The following CDH18 variants were observed in gnomAD, a reference collection of about 807,000 sequenced individuals.
CDH18 encodes the protein cadherin-18.
CDH18 carries 31 observed loss-of-function variants against 67.9 expected under a neutral mutation model. That is an observed-to-expected ratio of 0.46 (90% CI 0.34 to 0.62). CDH18 has a LOEUF of 0.62. Ranked by LOEUF, CDH18 falls within the 20% of genes least tolerant of loss-of-function variation. The pLI is 0.01. For synonymous variants in CDH18, 362 were observed against 347.2 expected (o/e 1.04, Z -0.48); for missense variants, 890 against 975.5 (o/e 0.91, Z 1.17).
chr5:19,909,873 T>C (rs983983644), intron 2 of CDH18, among the ~76,000 whole-genome samples: 10 of 152,194 alleles, frequency 6.6e-5, no homozygotes, highest in African/African-American at 2.4e-4. Context: ...TGCTTTCCTT[T>C]ATTCTTTTTT....
intron 4 of CDH18, among the ~76,000 whole-genome samples, chr5:19,723,084 T>G (rs1348636484): frequency 2.6e-5 from 4 of 151,844 alleles, no homozygotes; most frequent in Non-Finnish European, 4.4e-5. Context: ...ACAAAATTTT[T>G]TTTTGGTAAC....
intron 9 of CDH18, among the ~76,000 whole-genome samples, chr5:19,522,330 C>G (rs1460519044): frequency 6.6e-6 from 1 of 151,896 alleles, no homozygotes; most frequent in Non-Finnish European, 1.5e-5. Flanking sequence ...ATTAAAGGAA[C>G]CTATGAATAA....
chr5:20,370,553 C>T (rs1742896149), intron 1 of CDH18, among the ~76,000 whole-genome samples: 1 of 152,106 alleles, frequency 6.6e-6, no homozygotes, highest in Admixed American at 6.6e-5. Flanking sequence ...TACTAAAGAT[C>T]TACTAGGTGC....
At chr5:20,384,249 TC>T (rs938349144) in intron 1 of CDH18, among the ~76,000 whole-genome samples, 2 of 151,970 alleles carry the variant, frequency 1.3e-5, no homozygotes, top group Admixed American at 1.3e-4. Context: ...ACAACTCATT[TC>T]CCCCCTTCTC....
intron 1 of CDH18, among the ~76,000 whole-genome samples, chr5:20,405,652 C>A (rs1048694608): frequency 1.3e-5 from 2 of 151,972 alleles, no homozygotes; most frequent in African/African-American, 4.8e-5. Context: ...GAACAGGCAA[C>A]CTACAGAATG....
rs919848430 is a variant in CDH18 at position 20,215,443 on chromosome 5, A to T, written c.-518+40001T>A. On this transcript the variant is annotated intron_variant, in intron 2 of 14. Transcript: ENST00000507958. ...AGCTCTTCCATCCAAAAAATAAATA[A>T]ATAAATAAATAAATAAATAAATAAA... is the stretch of plus-strand genomic sequence containing the variant. Among the ~76,000 whole-genome samples the T allele has an allele frequency of 1.4e-4, 13 of 92,764 alleles. No homozygotes were observed. The East Asian group carries it at 4.1e-3, about 29-fold the overall frequency. The allele number at this position is 92,764 out of a possible 152,430, so 60.9% of individuals were successfully genotyped here.
At chr5:20,566,051 C>G (rs981842226) in intron 1 of CDH18, among the ~76,000 whole-genome samples, 4 of 152,006 alleles carry the variant, frequency 2.6e-5, no homozygotes, top group Admixed American at 2.0e-4. Flanking sequence ...CAGCTAATTC[C>G]TCCTGGGCCA....
rs565301186 is a variant in CDH18, at chr5:20,452,953, A to G, written c.-580+122509T>C. 2.0e-5 allele frequency among the ~76,000 whole-genome samples: 3 copies of G among 152,304 alleles called. No individual in the cohort carries two copies. In the South Asian group the frequency reaches 6.2e-4, roughly 32 times the overall value. ...ACCACACCAACGATAGAGAATTACC[A>G]TGTAACAAATGAGAGAAATAGAAAG... On this transcript the variant is annotated intron_variant, in intron 1 of 14. Coordinates refer to the CDH18 transcript ENST00000507958.
At chr5:19,981,857 T>G (rs781238560) in intron 1 of CDH18, among the ~76,000 whole-genome samples, 49 of 152,292 alleles carry the variant, frequency 3.2e-4, no homozygotes, top group Non-Finnish European at 6.3e-4. Flanking sequence ...CCTAGCCAAA[T>G]AGATAAAATA....
chr5:20,364,916 G>T (rs1742388066), intron 1 of CDH18, among the ~76,000 whole-genome samples: 1 of 152,124 alleles, frequency 6.6e-6, no homozygotes, highest in African/African-American at 2.4e-5. Context: ...TGACTCAAGA[G>T]TACATGGGAA....
chr5:19,861,680 A>G (rs1784929848), intron 2 of CDH18, among the ~76,000 whole-genome samples: 2 of 152,172 alleles, frequency 1.3e-5, no homozygotes, highest in South Asian at 4.1e-4. Flanking sequence ...AAGAGAGCTT[A>G]TTAGTAAATC....
intron 2 of CDH18, among the ~76,000 whole-genome samples, chr5:19,904,143 G>A (rs1054243248): frequency 1.3e-5 from 2 of 151,334 alleles, no homozygotes; most frequent in African/African-American, 2.4e-5. Flanking sequence ...GCTTGGTGGC[G>A]GGCGCCTGTA....
At chr5:20,504,415 T>C (rs931727429) in intron 1 of CDH18, among the ~76,000 whole-genome samples, 1 of 152,196 alleles carries the variant, frequency 6.6e-6, no homozygotes, top group East Asian at 1.9e-4. Flanking sequence ...CTGAACAACA[T>C]AGTTAAAACA....
chr5:19,706,771 A>C (rs999003038), intron 5 of CDH18, among the ~76,000 whole-genome samples: 1 of 152,226 alleles, frequency 6.6e-6, no homozygotes, highest in Admixed American at 6.5e-5. Context: ...GGTATCCCAT[A>C]TAATTCTCAA....
Position 20,122,074 on chromosome 5 carries a change from A to G in CDH18, c.-517-130060T>C, listed in dbSNP as rs111232148. 2.2e-3 allele frequency among the ~76,000 whole-genome samples: 339 copies of G among 152,304 alleles called. 1 individual carries two copies. Among genetic ancestry groups the G allele is most frequent in the African/African-American group, 7.6e-3 (317 of 41,564 alleles). On this transcript the variant is annotated intron_variant, in intron 2 of 14. Coordinates refer to the CDH18 transcript ENST00000507958. ...TATGTAGAGAAATAAATTGTGTTAG[A>G]AATAAAAAGCAAAAGTGAAAAGGGT...
intron 5 of CDH18, among the ~76,000 whole-genome samples, chr5:19,681,693 TGAGA>T (rs1193091226): frequency 3.3e-5 from 5 of 151,908 alleles, no homozygotes; most frequent in Non-Finnish European, 4.4e-5. Flanking sequence ...GGCTGTTACC[TGAGA>T]GAGAGAGATA....
chr5:19,842,850 T>C (rs537647283), intron 2 of CDH18, among the ~76,000 whole-genome samples: 9 of 152,248 alleles, frequency 5.9e-5, no homozygotes, highest in African/African-American at 1.9e-4. Context: ...CAGTCTCAGA[T>C]AGACATGAGG....
intron 2 of CDH18, among the ~76,000 whole-genome samples, chr5:19,966,926 T>G (rs2150322080): frequency 6.6e-6 from 1 of 152,156 alleles, no homozygotes; most frequent in African/African-American, 2.4e-5. Context: ...ACATAATTGT[T>G]AATATCAAAT....
intron 2 of CDH18, among the ~76,000 whole-genome samples, chr5:20,167,563 A>C (rs1224798111): frequency 6.6e-6 from 1 of 152,326 alleles, no homozygotes; most frequent in Non-Finnish European, 1.5e-5. Context: ...CACTTGGTGC[A>C]TAGTAGGCAA....
Sources: allele counts gnomAD v4.1 joint callset (sites outside exome capture counted in the v4.1 genomes callset), GRCh38; gene constraint gnomAD v4.1.1; transcripts MANE v1.5; gene names NCBI Gene and HGNC (gene_info 2026-07-23, HGNC 2026-07-21).